Variants in IMMP2L observed in about 807,000 individuals in gnomAD.
The protein encoded by IMMP2L is inner mitochondrial membrane peptidase subunit 2, also known as mitochondrial inner membrane protease subunit 2.
IMMP2L carries 18 observed loss-of-function variants against 19.3 expected under a neutral mutation model. The ratio of observed to expected loss-of-function variants is 0.93; its 90% CI spans 0.64 to 1.38. IMMP2L has a LOEUF of 1.38. Ranked by LOEUF, IMMP2L falls within the 40% of genes most tolerant of loss-of-function variation. The pLI is 0.00. For missense variants in IMMP2L, 233 were observed against 218.2 expected, an observed-to-expected ratio of 1.07 and a Z score of -0.43; for synonymous variants, 76 against 73.0, an observed-to-expected ratio of 1.04 and a Z score of -0.21.
chr7:111,493,519 G>A (rs1292010712), intron 2 of IMMP2L, among the ~76,000 whole-genome samples: 2 of 150,752 alleles, frequency 1.3e-5, no homozygotes, highest in Admixed American at 6.6e-5. Context: ...TGGCTAACAC[G>A]GTGAAACCCC....
intron 3 of IMMP2L, among the ~76,000 whole-genome samples, chr7:111,082,986 C>T (rs1327503270): frequency 6.6e-6 from 1 of 152,192 alleles, no homozygotes; most frequent in Admixed American, 6.5e-5. Flanking sequence ...TCTGATTTTC[C>T]AGTTTTCTGC....
intron 3 of IMMP2L, among the ~76,000 whole-genome samples, chr7:111,228,237 C>T (rs1409111083): frequency 6.6e-6 from 1 of 151,860 alleles, no homozygotes; most frequent in Non-Finnish European, 1.5e-5. Flanking sequence ...TAAATAAAAG[C>T]CACAAACCTG....
chr7:110,672,281 C>G (rs944218086), intron 5 of IMMP2L, among the ~76,000 whole-genome samples: 1 of 152,020 alleles, frequency 6.6e-6, no homozygotes, highest in Admixed American at 6.6e-5. Context: ...ATGAGACTCA[C>G]GCACTATCAC....
At chr7:111,331,911 T>G (rs1460421418) in intron 3 of IMMP2L, among the ~76,000 whole-genome samples, 1 of 151,890 alleles carries the variant, frequency 6.6e-6, no homozygotes, top group Admixed American at 6.6e-5. Flanking sequence ...TTAACCCAAC[T>G]TGTTATTAAC....
At chr7:111,231,024 CTG>C (rs60629485) in intron 3 of IMMP2L, among the ~76,000 whole-genome samples, 5,920 of 147,020 alleles carry the variant, frequency 0.04, 189 homozygotes, top group African/African-American at 0.086. Flanking sequence ...TAAGTAGTGG[CTG>C]TGTGTGTGTG....
chr7:111,393,592 G>T (rs1230070623), intron 3 of IMMP2L, among the ~76,000 whole-genome samples: 1 of 152,090 alleles, frequency 6.6e-6, no homozygotes, highest in Non-Finnish European at 1.5e-5. Flanking sequence ...TTTTACGTAG[G>T]AGGGAATGGT....
At chr7:110,834,228 C>T (rs1236381453) in intron 5 of IMMP2L, among the ~76,000 whole-genome samples, 1 of 152,064 alleles carries the variant, frequency 6.6e-6, no homozygotes, top group African/African-American at 2.4e-5. Context: ...CACAGAAATT[C>T]ACTGTAGTTA....
At chr7:111,333,501 G>T (rs1407257843) in intron 3 of IMMP2L, among the ~76,000 whole-genome samples, 1 of 151,992 alleles carries the variant, frequency 6.6e-6, no homozygotes, top group Non-Finnish European at 1.5e-5. Flanking sequence ...ATGGGTTCAA[G>T]TTGACAAGGG....
intron 3 of IMMP2L, among the ~76,000 whole-genome samples, chr7:111,019,708 T>C (rs777307362): frequency 3.9e-5 from 6 of 152,124 alleles, no homozygotes; most frequent in East Asian, 1.9e-4. Context: ...GAAGAGCCAG[T>C]ATAAATCAGC....
chr7:111,101,286 T>A (rs536851674), intron 3 of IMMP2L, among the ~76,000 whole-genome samples: 1 of 151,528 alleles, frequency 6.6e-6, no homozygotes, highest in East Asian at 1.9e-4. Context: ...TATAGATACA[T>A]CCCTAGTCAT....
intron 3 of IMMP2L, among the ~76,000 whole-genome samples, chr7:111,282,402 C>T (rs957638006): frequency 1.6e-4 from 25 of 151,982 alleles, no homozygotes; most frequent in African/African-American, 5.8e-4. Context: ...ATTCCCAGTT[C>T]AGAAATAAAG....
chr7:111,421,393 C>A (rs1284119477), intron 3 of IMMP2L, among the ~76,000 whole-genome samples: 1 of 150,762 alleles, frequency 6.6e-6, no homozygotes, highest in Admixed American at 6.6e-5. Context: ...CCTCAGCCTC[C>A]CGAGTAGCTG....
At chr7:110,848,885 G>A (rs778442695) in intron 5 of IMMP2L, among the ~76,000 whole-genome samples, 4 of 152,088 alleles carry the variant, frequency 2.6e-5, no homozygotes, top group Non-Finnish European at 5.9e-5. Context: ...TATTATGACA[G>A]TAAAAAGATC....
At chr7:111,344,075 G>A (rs984906534) in intron 3 of IMMP2L, among the ~76,000 whole-genome samples, 5 of 151,974 alleles carry the variant, frequency 3.3e-5, no homozygotes, top group Admixed American at 2.6e-4. Context: ...ACCTCTAAAT[G>A]CATTATTTCC....
chr7:110,907,935 C>A (rs1812645433), intron 4 of IMMP2L, among the ~76,000 whole-genome samples: 1 of 152,052 alleles, frequency 6.6e-6, no homozygotes, highest in Non-Finnish European at 1.5e-5. Flanking sequence ...AAAGTAGGAG[C>A]CAAGCCTTAC....
chr7:111,094,134 T>TC (rs902328819), intron 3 of IMMP2L, among the ~76,000 whole-genome samples: 2 of 152,114 alleles, frequency 1.3e-5, no homozygotes, highest in East Asian at 3.9e-4. Context: ...GTTTCACTCC[T>TC]CCCCCCGAAT....
At chr7:111,524,227 T>A (rs1346894600) in intron 1 of IMMP2L, among the ~76,000 whole-genome samples, 1 of 152,008 alleles carries the variant, frequency 6.6e-6, no homozygotes, top group Non-Finnish European at 1.5e-5. Flanking sequence ...GACCTCCACA[T>A]CTATTCTTTT....
chr7:111,011,627 A>C (rs1824967347), intron 3 of IMMP2L, among the ~76,000 whole-genome samples: 1 of 152,160 alleles, frequency 6.6e-6, no homozygotes, highest in Admixed American at 6.6e-5. Context: ...ATGATGTGAG[A>C]GTTTGCAGCT....
intron 3 of IMMP2L, among the ~76,000 whole-genome samples, chr7:111,077,999 TGC>T (rs1795559988): frequency 7.2e-5 from 11 of 152,224 alleles, no homozygotes; most frequent in Admixed American, 6.5e-4. Flanking sequence ...TCTTTAATAC[TGC>T]ATGTTAATAA....
Sources: allele counts gnomAD v4.1 joint callset (sites outside exome capture counted in the v4.1 genomes callset), GRCh38; gene constraint gnomAD v4.1.1; transcripts MANE v1.5; gene names NCBI Gene and HGNC (gene_info 2026-07-23, HGNC 2026-07-21).